Variants in DRC5 observed in about 807,000 individuals in gnomAD.
DRC5 encodes the protein dynein regulatory complex subunit 5, also known as T-complex-associated testis-expressed protein 1.
At chr6:44,287,107 C>CT in the DRC5 span, 2 of 799,824 alleles carry the variant, frequency 2.5e-6, no homozygotes, top group Non-Finnish European at 3.0e-6. Flanking sequence ...AGCGCCCCAT[C>CT]TGGTAGGAGA....
chr6:44,285,472 C>A, the DRC5 span, among the ~76,000 whole-genome samples: 1 of 152,092 alleles, frequency 6.6e-6, no homozygotes, highest in Non-Finnish European at 1.5e-5. Context: ...TCACTGCAGG[C>A]TTGAACTCCG....
the DRC5 span, chr6:44,279,003 TGGTGC>T: frequency 6.6e-6 from 1 of 152,210 alleles, no homozygotes; most frequent in East Asian, 1.9e-4. Flanking sequence ...AAGCCCCCTT[TGGTGC>T]TCTGCTCAGC....
chr6:44,288,993 C>CAAAAAAAAA, the DRC5 span, among the ~76,000 whole-genome samples: 117 of 32,736 alleles, frequency 3.6e-3, 7 homozygotes, highest in African/African-American at 9.0e-3. Flanking sequence ...GACTCTGTCT[C>CAAAAAAAAA]AAAAAAAAAA....
the DRC5 span, among the ~76,000 whole-genome samples, chr6:44,296,525 G>A: frequency 1.0e-3 from 158 of 152,328 alleles, no homozygotes; most frequent in African/African-American, 3.6e-3. Context: ...ACCATTCTGG[G>A]TAGGAGCTCC....
At chr6:44,289,018 A>AAG in the DRC5 span, among the ~76,000 whole-genome samples, 2 of 134,552 alleles carry the variant, frequency 1.5e-5, no homozygotes, top group African/African-American at 2.6e-5. Context: ...AAAAAAAAAA[A>AAG]AAAAGAAAAA....
chr6:44,290,626 C>T, the DRC5 span, among the ~76,000 whole-genome samples: 21 of 152,202 alleles, frequency 1.4e-4, no homozygotes, highest in African/African-American at 5.1e-4. Context: ...AACAGGCCAG[C>T]CCAACTCCTG....
the DRC5 span, among the ~76,000 whole-genome samples, chr6:44,286,969 T>C: frequency 3.3e-5 from 5 of 152,022 alleles, no homozygotes; most frequent in Non-Finnish European, 7.4e-5. Flanking sequence ...GATAGAAGAG[T>C]AAGCAAACAG....
At chr6:44,285,948 T>A in the DRC5 span, 6 of 1,599,566 alleles carry the variant, frequency 3.8e-6, no homozygotes, top group South Asian at 3.3e-5. Flanking sequence ...GGGGGAAGGC[T>A]GGGAGCAGAC....
At chr6:44,284,110 C>G in the DRC5 span, among the ~76,000 whole-genome samples, 1 of 152,116 alleles carries the variant, frequency 6.6e-6, no homozygotes, top group Non-Finnish European at 1.5e-5. Context: ...CTTGAAAAAG[C>G]TGATCACAGC....
At chr6:44,280,536 T>C in the DRC5 span, 1 of 634,902 alleles carries the variant, frequency 1.6e-6, no homozygotes, top group East Asian at 2.8e-5. Flanking sequence ...TGACATATTC[T>C]GTTCTTTTCC....
At chr6:44,281,436 G>A in the DRC5 span, among the ~76,000 whole-genome samples, 1 of 152,168 alleles carries the variant, frequency 6.6e-6, no homozygotes, top group African/African-American at 2.4e-5. Flanking sequence ...CCAGGCTGGA[G>A]TGCAGGGGCA....
chr6:44,296,021 T>A, the DRC5 span, among the ~76,000 whole-genome samples: 4 of 152,338 alleles, frequency 2.6e-5, no homozygotes, highest in African/African-American at 9.6e-5. Flanking sequence ...AAATCTCAAA[T>A]TAATTATTGA....
chr6:44,283,132 C>T, the DRC5 span, among the ~76,000 whole-genome samples: 1 of 152,140 alleles, frequency 6.6e-6, no homozygotes, highest in Non-Finnish European at 1.5e-5. Context: ...TTATCTCTAA[C>T]CTTCAGCATC....
the DRC5 span, among the ~76,000 whole-genome samples, chr6:44,283,929 T>C: frequency 6.6e-6 from 1 of 152,222 alleles, no homozygotes; most frequent in Non-Finnish European, 1.5e-5. Flanking sequence ...ATTTTCCTGA[T>C]ACCAAGCACT....
the DRC5 span, among the ~76,000 whole-genome samples, chr6:44,284,626 C>G: frequency 6.6e-5 from 10 of 152,232 alleles, no homozygotes; most frequent in Admixed American, 6.5e-4. Flanking sequence ...CATGGTCCCT[C>G]CAGCCATCCA....
the DRC5 span, among the ~76,000 whole-genome samples, chr6:44,294,861 AAGG>A: frequency 6.6e-6 from 1 of 151,978 alleles, no homozygotes; most frequent in African/African-American, 2.4e-5. Flanking sequence ...GGAGTGGGTA[AAGG>A]AGAAGACAGG....
chr6:44,282,619 T>C, the DRC5 span: 2 of 1,481,978 alleles, frequency 1.3e-6, no homozygotes, highest in Non-Finnish European at 1.8e-6. Flanking sequence ...CCTGCCCACC[T>C]AGATCTTTGG....
At chr6:44,282,402 C>G in the DRC5 span, 8 of 1,613,976 alleles carry the variant, frequency 5.0e-6, no homozygotes, top group Non-Finnish European at 5.1e-6. Context: ...CACACGCAGG[C>G]GGCTGTGGCT....
At chr6:44,280,596 T>C in the DRC5 span, among the ~76,000 whole-genome samples, 2 of 152,260 alleles carry the variant, frequency 1.3e-5, no homozygotes, top group Non-Finnish European at 2.9e-5. Context: ...TCAACCCTAC[T>C]AGTTTGAAAA....
Sources: allele counts gnomAD v4.1 joint callset (sites outside exome capture counted in the v4.1 genomes callset), GRCh38; gene constraint gnomAD v4.1.1; transcripts MANE v1.5; gene names NCBI Gene and HGNC (gene_info 2026-07-23, HGNC 2026-07-21).